The following FSHR variants were observed in gnomAD, a reference collection of about 807,000 sequenced individuals.
FSHR encodes follicle stimulating hormone receptor, also known as follicle-stimulating hormone receptor.
A neutral mutation model predicts 52.1 loss-of-function variants in FSHR; 46 were observed. The ratio of observed to expected loss-of-function variants is 0.88; its 90% CI spans 0.70 to 1.13. The LOEUF (loss-of-function observed/expected upper bound fraction) is 1.13. FSHR is among the 50% of genes most tolerant of loss of function. The probability of loss-of-function intolerance (pLI) is 0.00; values close to 1 mark genes in which losing one functional copy is unlikely to be tolerated. For missense variants in FSHR, 964 were observed against 834.6 expected (o/e 1.16, Z -1.91); for synonymous variants, 399 against 309.6 (o/e 1.29, Z -3.03).
intron 5 of FSHR, among the ~76,000 whole-genome samples, 167 bp downstream of exon 5, chr2:48,990,399 C>T (rs528111014): frequency 3.0e-4 from 46 of 152,218 alleles, no homozygotes; most frequent in African/African-American, 1.0e-3. Context: ...ATTGACTGGC[C>T]TGCAGGTAAA....
intron 2 of FSHR, among the ~76,000 whole-genome samples, chr2:49,060,963 G>T (rs542330935): frequency 1.3e-5 from 2 of 152,120 alleles, no homozygotes; most frequent in African/African-American, 4.8e-5. Flanking sequence ...CCTGGGAGAT[G>T]CCACTGGGTA....
chr2:49,076,834 C>G (rs1669966818), intron 1 of FSHR, among the ~76,000 whole-genome samples: 1 of 152,200 alleles, frequency 6.6e-6, no homozygotes, highest in South Asian at 2.1e-4. Flanking sequence ...GGGTTGAAAT[C>G]CAGTGGGACA....
intron 2 of FSHR, among the ~76,000 whole-genome samples, chr2:49,048,658 CCACTGGGATGGCT>C (rs1668748637): frequency 6.6e-6 from 1 of 152,180 alleles, no homozygotes; most frequent in Non-Finnish European, 1.5e-5. Flanking sequence ...AACCTCAGAC[CCACTGGGATGGCT>C]AACTTCTGCT....
chr2:49,134,289 A>G (rs60268579), intron 1 of FSHR, among the ~76,000 whole-genome samples: 38,523 of 152,170 alleles, frequency 0.25, 5,267 homozygotes, highest in East Asian at 0.47. Flanking sequence ...GAAGACATTT[A>G]TGCAGCCAAC....
chr2:49,144,891 A>G (rs1672814483), intron 1 of FSHR, among the ~76,000 whole-genome samples: 1 of 152,142 alleles, frequency 6.6e-6, no homozygotes, highest in African/African-American at 2.4e-5. Context: ...TGAAATTTAG[A>G]GGACAAGGAA....
chr2:49,118,113 TG>T (rs1165047462), intron 1 of FSHR, among the ~76,000 whole-genome samples: 1 of 152,014 alleles, frequency 6.6e-6, no homozygotes. Context: ...GATGGATGGT[TG>T]GGGGGAAAGA....
intron 2 of FSHR, among the ~76,000 whole-genome samples, chr2:49,020,525 C>A (rs1295797204): frequency 6.9e-6 from 1 of 145,658 alleles, no homozygotes; most frequent in African/African-American, 2.5e-5. Context: ...TTTTTTTTTA[C>A]AGGGCTAGAT....
At chr2:49,029,999 C>T (rs1668043851) in intron 2 of FSHR, among the ~76,000 whole-genome samples, 1 of 152,326 alleles carries the variant, frequency 6.6e-6, no homozygotes, top group Admixed American at 6.5e-5. Flanking sequence ...CTCCATGCCG[C>T]ATCCTTCTTA....
chr2:48,978,553 G>A (rs1005907795), intron 8 of FSHR, among the ~76,000 whole-genome samples: 1 of 152,228 alleles, frequency 6.6e-6, no homozygotes, highest in African/African-American at 2.4e-5. Flanking sequence ...AGCCTGCAAA[G>A]GCAATGCATT....
intron 4 of FSHR, among the ~76,000 whole-genome samples, chr2:49,003,940 T>C (rs531651820): frequency 1.3e-5 from 2 of 152,274 alleles, no homozygotes; most frequent in East Asian, 1.9e-4. Flanking sequence ...CCAGGGATAA[T>C]TGCAAATCTA....
intron 1 of FSHR, among the ~76,000 whole-genome samples, chr2:49,088,531 T>C (rs1670483665): frequency 6.6e-6 from 1 of 152,216 alleles, no homozygotes; most frequent in Non-Finnish European, 1.5e-5. Flanking sequence ...TCAGTGTGGG[T>C]AAACAGAATT....
chr2:49,062,757 A>G (rs1669360535), intron 2 of FSHR, among the ~76,000 whole-genome samples: 1 of 152,126 alleles, frequency 6.6e-6, no homozygotes, highest in South Asian at 2.1e-4. Context: ...GGTCAAATAG[A>G]CATCTCTCAA....
intron 1 of FSHR, among the ~76,000 whole-genome samples, chr2:49,104,907 C>T (rs1671169560): frequency 1.3e-5 from 2 of 151,972 alleles, no homozygotes; most frequent in African/African-American, 2.4e-5. Flanking sequence ...GAGGAGACCA[C>T]CCTTCTAAAA....
chr2:49,122,798 C>G (rs1254182386), intron 1 of FSHR, among the ~76,000 whole-genome samples: 2 of 152,146 alleles, frequency 1.3e-5, no homozygotes, highest in African/African-American at 4.8e-5. Flanking sequence ...AGATTAACAC[C>G]CAGGATCTTG....
Position 48,963,310 on chromosome 2 carries a change from G to C in FSHR, c.1511C>G (p.Pro504Arg). Residue 504 changes from proline (P) to arginine (R), a missense_variant, in exon 10 of 10, where the codon CCC becomes CGC. Pro to Arg is a moderately radical substitution (Grantham distance 103, BLOSUM62 -2). Coordinates refer to ENST00000406846, the MANE Select transcript of FSHR (RefSeq NM_000145.4). ...CATGTAGCTGCTGATGCCAAAGATG[G>C]GAAAGAGGGCAGCTGCAAAAGCAAA... ...WIFAFAAALF[P>R]IFGISSYMKV... The C allele has an allele frequency of 1.2e-6, 2 of 1,614,044 alleles. No homozygotes were observed. Among genetic ancestry groups the C allele is most frequent in the Non-Finnish European group, 8.5e-7 (1 of 1,179,978 alleles).
chr2:48,991,158 C>T (rs564305964), intron 4 of FSHR, among the ~76,000 whole-genome samples: 1 of 152,218 alleles, frequency 6.6e-6, no homozygotes, highest in South Asian at 2.1e-4. Context: ...ATTACCCTTA[C>T]GAGATGGTTA....
intron 1 of FSHR, among the ~76,000 whole-genome samples, chr2:49,118,366 A>G (rs1671680556): frequency 6.6e-6 from 1 of 152,146 alleles, no homozygotes; most frequent in African/African-American, 2.4e-5. Flanking sequence ...CCTCAACTCA[A>G]CTAGTGAGCT....
At chr2:49,069,041 C>T (rs1370618583) in intron 1 of FSHR, among the ~76,000 whole-genome samples, 1 of 152,032 alleles carries the variant, frequency 6.6e-6, no homozygotes, top group African/African-American at 2.4e-5. Context: ...CAGCTTTTGC[C>T]GTTTTCTTCT....
intron 1 of FSHR, among the ~76,000 whole-genome samples, chr2:49,150,443 T>G (rs1427039683): frequency 1.3e-5 from 2 of 152,064 alleles, no homozygotes; most frequent in African/African-American, 2.4e-5. Context: ...GCCTAATATT[T>G]TACAGTTGAG....
Sources: allele counts gnomAD v4.1 joint callset (sites outside exome capture counted in the v4.1 genomes callset), GRCh38; gene constraint gnomAD v4.1.1; transcripts MANE v1.5; gene names NCBI Gene and HGNC (gene_info 2026-07-23, HGNC 2026-07-21).